SVEP1: variants seen among roughly 807,000 people sequenced by gnomAD.
SVEP1 encodes sushi, von Willebrand factor type A, EGF and pentraxin domain-containing protein 1.
SVEP1 carries 164 observed loss-of-function variants against 367.3 expected under a neutral mutation model. The observed-to-expected ratio is 0.45, with a 90% CI of 0.39 to 0.51. SVEP1 has a LOEUF of 0.51. SVEP1 is among the 20% of genes least tolerant of loss of function. The pLI is 0.00. For synonymous variants in SVEP1, 1,666 were observed against 1,611.6 expected (o/e 1.03, Z -0.81); for missense variants, 4,117 against 4,425.3 (o/e 0.93, Z 1.98).
chr9:110,579,606 G>T lies in SVEP1; in HGVS notation c.-63C>A. The T allele has an allele frequency of 6.8e-7, 1 of 1,468,472 alleles. No individual in the cohort carries two copies. The highest frequency in any genetic ancestry group is 1.4e-5 in the South Asian group (1 of 71,798). 91.0% of individuals were successfully genotyped at this position (1,468,472 alleles called of 1,614,324 possible). A position where few individuals can be genotyped will look rare whatever the true frequency, so the allele number is the denominator to read the frequency against. ...GGCGGCTCGGGCGGGAAGAGGCGCT[G>T]GGCGGCCGGACTCGCAGAGGGGCGT... On this transcript the variant is annotated 5_prime_UTR_variant, in exon 1 of 48. Coordinates refer to ENST00000374469, the MANE Select transcript of SVEP1 (RefSeq NM_153366.4). This position sits in a 1 kb window ranked among gnomAD's most constrained non-coding sequence, Gnocchi z 5.3.
chr9:110,461,165 G>A (rs1373877763), intron 18 of SVEP1, among the ~76,000 whole-genome samples: 1 of 152,076 alleles, frequency 6.6e-6, no homozygotes, highest in Non-Finnish European at 1.5e-5. Flanking sequence ...AACTAAAAAT[G>A]GCCTCAAACA....
At chr9:110,490,256 C>G (rs1368842557) in intron 8 of SVEP1, among the ~76,000 whole-genome samples, 1 of 152,118 alleles carries the variant, frequency 6.6e-6, no homozygotes, top group African/African-American at 2.4e-5. Flanking sequence ...TTCACACATT[C>G]ATATAGTTTA....
chr9:110,390,067 A>ATATATACACG (rs1564127167), intron 40 of SVEP1, among the ~76,000 whole-genome samples: 1 of 138,802 alleles, frequency 7.2e-6, no homozygotes, highest in Admixed American at 7.4e-5. Flanking sequence ...ATATATAAGT[A>ATATATACACG]TATATATATA....
In SVEP1 at chr9:110,408,386, T is replaced by G. The variant is rs756889440; in HGVS notation, c.7214A>C (p.Lys2405Thr). The G allele has an allele frequency of 2.5e-6, 4 of 1,613,780 alleles. No homozygotes were observed. The East Asian group carries it at 8.9e-5, about 36-fold the overall frequency. ...GAAAAACCCACCTACACAAGAATAC[T>G]TGACAGTACTTCCAAAATGAAGAGC... Reference protein sequence around the residue: ...SSALHFGSTVKYSCVGGFFLR... With the variant: ...SSALHFGSTVTYSCVGGFFLR... The change falls in exon 38 of 48, where the codon AAG becomes ACG. Residue 2405 changes from lysine to threonine, a missense_variant. Around this residue, in one of 4 missense-constraint regions of SVEP1, gnomAD observed 1,765 missense variants for 1,781.1 expected, o/e 0.99. Coordinates refer to ENST00000374469, the MANE Select transcript of SVEP1 (RefSeq NM_153366.4).
In SVEP1 at chr9:110,479,618, G is replaced by T. The variant is rs1479940244; in HGVS notation, c.2487+17C>A. ...CCTTATAAAAGAACACACAATAAATGACCACTATTGATGTACCATTTTTCC... is the reference window on the plus strand; with the variant it reads ...CCTTATAAAAGAACACACAATAAATTACCACTATTGATGTACCATTTTTCC... On this transcript the variant is annotated intron_variant, in intron 13 of 47. Coordinates refer to ENST00000374469, the MANE Select transcript of SVEP1 (RefSeq NM_153366.4). 2 of 1,582,674 alleles carry T rather than the reference G, an allele frequency of 1.3e-6. No individual in the cohort carries two copies. Among genetic ancestry groups the T allele is most frequent in the South Asian group, 2.3e-5 (2 of 85,250 alleles).
Position 110,527,299 on chromosome 9 carries a change from AT to A in SVEP1, c.965-13194del, listed in dbSNP as rs561303035. ...TTTCAAAAGAAAAAATGTAATAAAA[AT>A]TTTTTTTTAAAAGCAGAAAACAGGG... On this transcript the variant is annotated intron_variant, in intron 3 of 47. Transcript: ENST00000374469. 8.5e-3 allele frequency among the ~76,000 whole-genome samples: 1,288 copies of A among 151,900 alleles called. 18 individuals are homozygous for A. Among genetic ancestry groups the A allele is most frequent in the African/African-American group, 0.029 (1,203 of 41,492 alleles).
chr9:110,439,473 G>A (rs547977367), intron 27 of SVEP1, among the ~76,000 whole-genome samples: 11 of 151,898 alleles, frequency 7.2e-5, no homozygotes, highest in East Asian at 1.9e-4. Flanking sequence ...ACCTCACTGC[G>A]ACCTCTGCCT....
At chr9:110,550,524 A>ATCTATCTG (rs1272152421) in intron 1 of SVEP1, among the ~76,000 whole-genome samples, 11 of 144,398 alleles carry the variant, frequency 7.6e-5, no homozygotes, top group African/African-American at 2.8e-4. Flanking sequence ...CTATCTATCT[A>ATCTATCTG]TCTGTCTATC....
chr9:110,470,011 G>A (rs140821357), intron 16 of SVEP1, among the ~76,000 whole-genome samples: 9 of 152,282 alleles, frequency 5.9e-5, no homozygotes, highest in Non-Finnish European at 1.2e-4. Flanking sequence ...TGGAAGAAGG[G>A]CACAAGAACC....
chr9:110,492,614 CAT>C (rs201526358), intron 8 of SVEP1, among the ~76,000 whole-genome samples: 6 of 150,406 alleles, frequency 4.0e-5, no homozygotes, highest in Non-Finnish European at 4.4e-5. Context: ...ATATATATTT[CAT>C]ATATATATAT....
chr9:110,439,958 T>C (rs1025604324), intron 27 of SVEP1, among the ~76,000 whole-genome samples: 1 of 152,210 alleles, frequency 6.6e-6, no homozygotes, highest in Admixed American at 6.5e-5. Context: ...AAAAATGCTT[T>C]TTTTAACCAG....
intron 40 of SVEP1, among the ~76,000 whole-genome samples, chr9:110,390,402 A>T: frequency 1.1e-5 from 1 of 88,136 alleles, no homozygotes; most frequent in African/African-American, 5.3e-5. Context: ...TATATCTCAC[A>T]TTTTCTTTAT....
intron 41 of SVEP1, among the ~76,000 whole-genome samples, chr9:110,388,522 A>C (rs10817004): frequency 0.27 from 41,541 of 152,056 alleles, 6,298 homozygotes; most frequent in Middle Eastern, 0.49. Flanking sequence ...TCAGTATTAT[A>C]TTAAAAATTC....
chr9:110,514,999 G>T (rs1193758704), intron 3 of SVEP1, among the ~76,000 whole-genome samples: 4 of 151,984 alleles, frequency 2.6e-5, no homozygotes, highest in Non-Finnish European at 5.9e-5. Context: ...GAAGAAAAAA[G>T]AATTAAAGAC....
chr9:110,485,914 T>C (rs575627789), intron 9 of SVEP1, among the ~76,000 whole-genome samples: 1 of 152,210 alleles, frequency 6.6e-6, no homozygotes, highest in Non-Finnish European at 1.5e-5. Context: ...CTCATGAACA[T>C]ATGTTCAATT....
At chr9:110,518,298 C>T (rs1235569603) in intron 3 of SVEP1, among the ~76,000 whole-genome samples, 1 of 151,856 alleles carries the variant, frequency 6.6e-6, no homozygotes, top group Non-Finnish European at 1.5e-5. Flanking sequence ...TGGTGCACAC[C>T]TGTAATCCAG....
At chr9:110,390,026 T>TATATATATATAA (rs1827605872) in intron 40 of SVEP1, among the ~76,000 whole-genome samples, 24 of 94,248 alleles carry the variant, frequency 2.5e-4, no homozygotes, top group African/African-American at 6.1e-4. Context: ...TGTGTGTGTG[T>TATATATATATAA]GTATATATAT....
intron 3 of SVEP1, among the ~76,000 whole-genome samples, chr9:110,519,207 G>A (rs2118788940): frequency 6.6e-6 from 1 of 152,318 alleles, no homozygotes; most frequent in African/African-American, 2.4e-5. Flanking sequence ...TTGAGGTCAT[G>A]TGAGTAAAGC....
intron 23 of SVEP1, among the ~76,000 whole-genome samples, chr9:110,450,511 C>A (rs1237084247): frequency 7.1e-6 from 1 of 140,976 alleles, no homozygotes; most frequent in Non-Finnish European, 1.5e-5. Flanking sequence ...GCTCTCTCTC[C>A]CAGTCTGGAG....
Sources: allele counts gnomAD v4.1 joint callset (sites outside exome capture counted in the v4.1 genomes callset), GRCh38; gene constraint gnomAD v4.1.1; regional missense constraint gnomAD v4.1.1; non-coding constraint Gnocchi (gnomAD v3.1); transcripts MANE v1.5; gene names NCBI Gene and HGNC (gene_info 2026-07-23, HGNC 2026-07-21).